Variants in PSMD13 observed in about 807,000 individuals in gnomAD.
The protein encoded by PSMD13 is 26S proteasome non-ATPase regulatory subunit 13.
Under a neutral mutation model 57.4 loss-of-function variants are expected in PSMD13, and 8 were observed. That is an observed-to-expected ratio of 0.14 (90% CI 0.08 to 0.25). The LOEUF (loss-of-function observed/expected upper bound fraction) is 0.25. PSMD13 is among the 10% of genes least tolerant of loss of function. PSMD13 has a pLI of 1.00. For missense variants in PSMD13, 400 were observed against 461.5 expected (o/e 0.87, Z 1.22); for synonymous variants, 193 against 168.2 (o/e 1.15, Z -1.14).
chr11:247,591 G>C (rs1859678725), intron 7 of PSMD13, 143 bp downstream of exon 7: 1 of 870,522 alleles, frequency 1.1e-6, no homozygotes, highest in Non-Finnish European at 1.7e-6. Context: ...CAGCACTTTG[G>C]AAGGCTGAAG....
At chr11:248,725 A>G (rs1255512347) in intron 7 of PSMD13, 51 bp from the exon 8 acceptor site, 8 of 1,544,144 alleles carry the variant, frequency 5.2e-6, no homozygotes, top group Admixed American at 3.3e-5. Context: ...AAAGCTAAAC[A>G]GGACTGATTA....
chr11:247,567 C>G (rs2133989982), intron 7 of PSMD13, 119 bp downstream of exon 7: 1 of 1,160,082 alleles, frequency 8.6e-7, no homozygotes, highest in South Asian at 1.6e-5. Context: ...CACGGTGGCT[C>G]ACGCCTGTAA....
At chr11:243,161 T>C in intron 2 of PSMD13, 1 of 622,474 alleles carries the variant, frequency 1.6e-6, no homozygotes. Context: ...CACCACCTCC[T>C]GTTTTTTTGT....
chr11:243,900 AC>A (rs1859573775), intron 2 of PSMD13, 140 bp from the exon 3 acceptor site: 1 of 725,012 alleles, frequency 1.4e-6, no homozygotes, highest in Non-Finnish European at 2.3e-6. Flanking sequence ...TGCATTGCTT[AC>A]TGTGTGCTGG....
At chr11:249,497 A>T (rs1243321669) in intron 9 of PSMD13, among the ~76,000 whole-genome samples, 1 of 150,842 alleles carries the variant, frequency 6.6e-6, no homozygotes, top group Non-Finnish European at 1.5e-5. Flanking sequence ...CATGGGATGA[A>T]GGAGGAACAA....
chr11:238,959 A>T, intron 1 of PSMD13, 39 bp from the exon 2 acceptor site: 1 of 1,561,786 alleles, frequency 6.4e-7, no homozygotes, highest in South Asian at 1.1e-5. Context: ...CTGTGACTGG[A>T]TATTAGGTTA....
chr11:244,925 TC>T (rs1442711794), intron 6 of PSMD13, among the ~76,000 whole-genome samples, 164 bp downstream of exon 6: 1 of 151,240 alleles, frequency 6.6e-6, no homozygotes. Context: ...AACCTAAATT[TC>T]CCATTGCAAA....
chr11:239,046 G>C lies in PSMD13; in HGVS notation c.144G>C (p.Pro48=). The C allele has an allele frequency of 6.2e-7, 1 of 1,614,130 alleles. No individual in the cohort carries two copies. The highest frequency in any genetic ancestry group is 8.5e-7 in the Non-Finnish European group (1 of 1,179,998). The change falls in exon 2 of 13, where the codon CCG becomes CCC. Residue 48 remains proline, a synonymous_variant. Transcript: ENST00000532097. ...TLQVLDFVQD[P]CFAQGDGLIK... ...AGGTGCTTGATTTTGTGCAGGATCCGTGCTTTGCCCAAGGAGATGGTCTCA... is the reference window on the plus strand; with the variant it reads ...AGGTGCTTGATTTTGTGCAGGATCCCTGCTTTGCCCAAGGAGATGGTCTCA...
chr11:240,558 A>T (rs1456885291), intron 2 of PSMD13, among the ~76,000 whole-genome samples: 1 of 152,150 alleles, frequency 6.6e-6, no homozygotes, highest in Non-Finnish European at 1.5e-5. Flanking sequence ...TGGTAAGGTG[A>T]TGTTTATTTA....
Position 251,398 on chromosome 11 carries a change from G to C in PSMD13, c.838-148G>C. On this transcript the variant is annotated intron_variant, in intron 10 of 12. Transcript: ENST00000532097. This position sits in a 1 kb window ranked among gnomAD's most constrained non-coding sequence, Gnocchi z 4.6. The stretch of plus-strand genomic sequence containing the variant: ...AGCATTAAAAGCTTGTTCTTAACAA[G>C]ATATATGTCTAATATTAGGAAACTT... 1.5e-6 allele frequency: 1 copy of C among 676,394 alleles called. No homozygotes were observed. 41.9% of individuals were successfully genotyped at this position (676,394 alleles called of 1,614,324 possible).
rs1398307906 is a variant in PSMD13, at chr11:244,192, C to A, written c.241C>A (p.Leu81Ile). The stretch of plus-strand genomic sequence containing the variant: ...CCCTTTGTCCCTCGTGGAAATCATT[C>A]TTCATGTAGTTAGACAGATGACTGG... ...VNPLSLVEII[L>I]HVVRQMTDPN... is the part of the protein sequence containing the mutation. Residue 81 changes from leucine to isoleucine, a missense_variant, in exon 4 of 13, where the codon CTT (leucine) becomes ATT (isoleucine). Coordinates refer to ENST00000532097, the MANE Select transcript of PSMD13 (RefSeq NM_002817.4). 6.2e-7 allele frequency: 1 copy of A among 1,610,988 alleles called. No individual in the cohort carries two copies.
chr11:244,530 C>G, intron 5 of PSMD13, 61 bp downstream of exon 5: 1 of 1,554,850 alleles, frequency 6.4e-7, no homozygotes, highest in Non-Finnish European at 8.9e-7. Context: ...GACTTAACAG[C>G]TTGTGTTCAT....
intron 6 of PSMD13, among the ~76,000 whole-genome samples, chr11:245,705 T>TGTGTGTGTGTGTTTGCGTGTGTGTTC (rs1564822119): frequency 2.5e-5 from 1 of 39,280 alleles, no homozygotes; most frequent in East Asian, 9.8e-4. Flanking sequence ...CGTGTGTTTG[T>TGTGTGTGTGTGTTTGCGTGTGTGTTC]GTGTGTTTGT....
intron 9 of PSMD13, 77 bp from the exon 10 acceptor site, chr11:250,726 C>A: frequency 7.2e-7 from 1 of 1,382,434 alleles, no homozygotes. Flanking sequence ...TGTTATAGAA[C>A]GAATTCCAGA....
intron 6 of PSMD13, among the ~76,000 whole-genome samples, chr11:246,161 G>A (rs537130673): frequency 2.0e-5 from 3 of 152,206 alleles, no homozygotes; most frequent in South Asian, 4.2e-4. Flanking sequence ...ACTCCTATAC[G>A]GTATTTCATT....
intron 7 of PSMD13, chr11:247,657 C>T (rs924630827): frequency 6.9e-6 from 3 of 432,678 alleles, no homozygotes; most frequent in African/African-American, 2.1e-5. Context: ...CATGGTGAAA[C>T]CCTGTCTCTA....
intron 2 of PSMD13, among the ~76,000 whole-genome samples, chr11:241,659 C>T (rs1271191921): frequency 6.6e-6 from 1 of 152,180 alleles, no homozygotes; most frequent in Non-Finnish European, 1.5e-5. Flanking sequence ...AGCTCTCCTT[C>T]TCTGTGACCG....
intron 7 of PSMD13, chr11:248,495 T>G (rs368088737): frequency 2.3e-6 from 1 of 437,344 alleles, no homozygotes. Flanking sequence ...GAAAAGAGAT[T>G]TAAGGCACTT....
chr11:249,390 G>A (rs991169901), intron 9 of PSMD13, among the ~76,000 whole-genome samples: 6 of 152,148 alleles, frequency 3.9e-5, no homozygotes, highest in East Asian at 3.9e-4. Context: ...GAAGAGGTAC[G>A]GGAAGAGTGC....
Sources: gnomAD v4.1 joint callset for allele counts (sites outside exome capture counted in the v4.1 genomes callset) on GRCh38, gnomAD v4.1.1 for gene constraint, Gnocchi (gnomAD v3.1) non-coding constraint, MANE v1.5 for transcripts, NCBI Gene and HGNC (gene_info 2026-07-23, HGNC 2026-07-21) for gene names.